The following SNTG1 variants were observed in gnomAD, a reference collection of about 807,000 sequenced individuals.
SNTG1 encodes syntrophin gamma 1.
A neutral mutation model predicts 74.7 loss-of-function variants in SNTG1; 39 were observed. The ratio of observed to expected loss-of-function variants is 0.52; its 90% CI spans 0.40 to 0.68. The LOEUF is 0.68. SNTG1 is among the 30% of genes least tolerant of loss of function. SNTG1 has a pLI of 0.00. For synonymous variants in SNTG1, 254 were observed against 217.1 expected, an observed-to-expected ratio of 1.17 and a Z score of -1.49; for missense variants, 685 against 609.5, an observed-to-expected ratio of 1.12 and a Z score of -1.30.
chr8:50,248,378 T>C (rs1177571043), intron 2 of SNTG1, among the ~76,000 whole-genome samples: 1 of 152,218 alleles, frequency 6.6e-6, no homozygotes, highest in African/African-American at 2.4e-5. Flanking sequence ...TCAGCCATAT[T>C]ATTTTAAACT....
At chr8:50,368,359 A>C (rs572990393) in intron 2 of SNTG1, among the ~76,000 whole-genome samples, 3 of 152,272 alleles carry the variant, frequency 2.0e-5, no homozygotes, top group Non-Finnish European at 4.4e-5. Flanking sequence ...CCTTAAGGCA[A>C]TACAATAGGA....
chr8:50,783,632 C>T (rs112474164), intron 18 of SNTG1, among the ~76,000 whole-genome samples: 12,237 of 152,258 alleles, frequency 0.08, 545 homozygotes, highest in Middle Eastern at 0.099. Context: ...AGGGAACTCC[C>T]TGACCCCTTG....
intron 4 of SNTG1, among the ~76,000 whole-genome samples, chr8:50,407,032 A>G (rs1053791915): frequency 1.3e-5 from 2 of 152,174 alleles, no homozygotes; most frequent in Admixed American, 6.6e-5. Flanking sequence ...AGGCCCGCAG[A>G]CGCCTCTGTA....
At chr8:50,120,456 ATTAAC>A (rs2080959158) in intron 1 of SNTG1, among the ~76,000 whole-genome samples, 1 of 139,692 alleles carries the variant, frequency 7.2e-6, no homozygotes, top group Non-Finnish European at 1.6e-5. Flanking sequence ...TACTGAAACT[ATTAAC>A]TATTACTACC....
chr8:50,732,842 T>G (rs767051943), intron 17 of SNTG1, among the ~76,000 whole-genome samples: 2 of 152,056 alleles, frequency 1.3e-5, no homozygotes, highest in Non-Finnish European at 2.9e-5. Flanking sequence ...TCTAATGAGG[T>G]TGAACAGGTT....
chr8:50,453,553 C>A (rs1382563883), intron 8 of SNTG1, among the ~76,000 whole-genome samples: 1 of 152,164 alleles, frequency 6.6e-6, no homozygotes, highest in Non-Finnish European at 1.5e-5. Flanking sequence ...CAACCACTTA[C>A]AAACATTGTA....
rs537567227 is a variant in SNTG1, at chr8:50,170,662, T to C, written c.-102-1899T>C. 3.3e-5 allele frequency among the ~76,000 whole-genome samples: 5 copies of C among 152,198 alleles called. No individual in the cohort carries two copies. The South Asian group carries it at 8.3e-4, about 25-fold the overall frequency. ...TAGCCAGAAGTGCAGGCATGACATA[T>C]CCAGATTGATTCTATGCAGTCTCAC... On this transcript the variant is annotated intron_variant, in intron 1 of 18. Transcript: ENST00000642720.
chr8:50,202,029 T>A (rs2084006435), intron 2 of SNTG1, among the ~76,000 whole-genome samples: 1 of 152,132 alleles, frequency 6.6e-6, no homozygotes, highest in African/African-American at 2.4e-5. Flanking sequence ...CGTTCTTATG[T>A]GCCGTTCTTT....
Position 49,916,208 on chromosome 8 carries a change from CAA to C in SNTG1, c.-103+3981_-103+3982del, listed in dbSNP as rs780037786. 2.3e-3 allele frequency among the ~76,000 whole-genome samples: 301 copies of C among 131,946 alleles called. 3 individuals are homozygous for C. Among genetic ancestry groups the C allele is most frequent in the African/African-American group, 8.0e-3 (287 of 35,962 alleles). 86.6% of individuals were successfully genotyped at this position (131,946 alleles called of 152,430 possible). ...TTTGTCAAATACACACACACACACACAAAAACCCAGAAACAGTCAAAAACATA... is the reference window on the plus strand; with the variant it reads ...TTTGTCAAATACACACACACACACACAAACCCAGAAACAGTCAAAAACATA... On this transcript the variant is annotated intron_variant, in intron 1 of 18. Transcript: ENST00000642720.
At chr8:50,210,091 T>C (rs1242776571) in intron 2 of SNTG1, among the ~76,000 whole-genome samples, 2 of 152,126 alleles carry the variant, frequency 1.3e-5, no homozygotes, top group Admixed American at 6.6e-5. Flanking sequence ...GCACAAGCTT[T>C]AGTAGCTGAT....
At chr8:50,476,544 G>T (rs745839586) in intron 8 of SNTG1, among the ~76,000 whole-genome samples, 3 of 152,176 alleles carry the variant, frequency 2.0e-5, no homozygotes, top group African/African-American at 7.2e-5. Flanking sequence ...AAGGGGAAAA[G>T]ATTAGAATGG....
chr8:50,625,820 TA>T (rs1231353787), intron 13 of SNTG1, among the ~76,000 whole-genome samples: 1 of 152,216 alleles, frequency 6.6e-6, no homozygotes, highest in Non-Finnish European at 1.5e-5. Context: ...ATAAAATTCT[TA>T]AAAATGACAA....
chr8:50,687,136 C>T (rs1342484504), intron 15 of SNTG1, among the ~76,000 whole-genome samples: 15 of 128,114 alleles, frequency 1.2e-4, no homozygotes, highest in African/African-American at 2.8e-4. Context: ...AGCGAGACTC[C>T]GTCTCAAAAA....
chr8:50,265,404 A>G (rs1349221445), intron 2 of SNTG1, among the ~76,000 whole-genome samples: 3 of 152,126 alleles, frequency 2.0e-5, no homozygotes, highest in Admixed American at 6.5e-5. Context: ...TAGAAACATT[A>G]TTTGTCAAAA....
At position 50,370,555 on chromosome 8, in the gene SNTG1, ACCTGCAATGATAGTAGTCTCCTCGC is replaced by A. The variant is rs139343702; in HGVS notation, c.-27-23653_-27-23629del. Reference sequence around the variant, plus strand: ...GGGCTTCAGTGGGAGCAGCCTCCCCACCTGCAATGATAGTAGTCTCCTCGCCCTTTCACCCCTGTCTGAAGGACTT... The same window carrying A: ...GGGCTTCAGTGGGAGCAGCCTCCCCACCTTTCACCCCTGTCTGAAGGACTT... On this transcript the variant is annotated intron_variant, in intron 2 of 18. Coordinates refer to ENST00000642720, the MANE Select transcript of SNTG1 (RefSeq NM_018967.5). Among the ~76,000 whole-genome samples, 1,356 of 152,158 alleles carry A rather than the reference ACCTGCAATGATAGTAGTCTCCTCGC, an allele frequency of 8.9e-3. 23 individuals carry two copies. The highest frequency in any genetic ancestry group is 0.031 in the African/African-American group (1,283 of 41,508).
Position 50,752,047 on chromosome 8 carries a change from A to G in SNTG1, c.1331A>G (p.Asp444Gly). The G allele has an allele frequency of 6.4e-7, 1 of 1,569,594 alleles. No individual in the cohort carries two copies. The highest frequency in any genetic ancestry group is 2.5e-5 in the East Asian group (1 of 40,666). The change falls in exon 18 of 19, where the codon GAT becomes GGT. Residue 444 changes from aspartate (D) to glycine (G), a missense_variant. Coordinates refer to ENST00000642720, the MANE Select transcript of SNTG1 (RefSeq NM_018967.5). ...YKFSQLKGSS[D>G]DGKSKIKFLF... ...TTCTCTCAGCTTAAAGGTTCTTCAG[A>G]TGATGGCAAGAGCAAAATCAAATTT...
intron 2 of SNTG1, among the ~76,000 whole-genome samples, chr8:50,360,253 A>G (rs1285810456): frequency 2.0e-5 from 3 of 152,166 alleles, no homozygotes; most frequent in Admixed American, 2.0e-4. Flanking sequence ...TGGGAGTGAC[A>G]ATGAAACCCA....
intron 1 of SNTG1, among the ~76,000 whole-genome samples, chr8:49,989,357 A>T (rs1444432007): frequency 6.6e-6 from 1 of 151,962 alleles, no homozygotes; most frequent in Non-Finnish European, 1.5e-5. Context: ...AAATGCAACG[A>T]ATTAACTCTT....
intron 1 of SNTG1, among the ~76,000 whole-genome samples, chr8:50,110,290 G>A (rs1287144730): frequency 1.3e-5 from 2 of 152,130 alleles, no homozygotes; most frequent in African/African-American, 4.8e-5. Context: ...GATGCTTTGA[G>A]TGGTCTCTGG....
Sources: allele counts gnomAD v4.1 joint callset (sites outside exome capture counted in the v4.1 genomes callset), GRCh38; gene constraint gnomAD v4.1.1; transcripts MANE v1.5; gene names NCBI Gene and HGNC (gene_info 2026-07-23, HGNC 2026-07-21).